ASXL3: variants seen among roughly 807,000 people sequenced by gnomAD.
ASXL3 encodes ASXL transcriptional regulator 3.
ASXL3 carries 34 observed loss-of-function variants against 170.6 expected under a neutral mutation model. The observed-to-expected ratio is 0.20, with a 90% confidence interval of 0.15 to 0.27. The LOEUF (loss-of-function observed/expected upper bound fraction) is 0.27. Ranked by LOEUF, ASXL3 falls within the 10% of genes least tolerant of loss-of-function variation. ASXL3 has a pLI of 1.00. For missense variants in ASXL3, 2,592 were observed against 2,695.3 expected (o/e 0.96, Z 0.85); for synonymous variants, 1,002 against 989.1 (o/e 1.01, Z -0.24).
chr18:33,740,327 T>G lies in ASXL3; in HGVS notation c.2923T>G (p.Cys975Gly), dbSNP rs2067640646. The change falls in exon 11 of 12, where the codon TGT becomes GGT. Residue 975 changes from cysteine to glycine, a missense_variant. By Grantham distance (159) the Cys-to-Gly change is radical. This residue lies in a region of ASXL3 where 2,246 missense variants were observed against 2,219.6 expected (regional missense o/e 1.01). Coordinates refer to ENST00000269197, the MANE Select transcript of ASXL3 (RefSeq NM_030632.3). ...TGCAGAGCAACACAGCTTTGGAATCTGTAAGGAAAAGAGAGCTAGGATAGA... is the reference window on the plus strand; with the variant it reads ...TGCAGAGCAACACAGCTTTGGAATCGGTAAGGAAAAGAGAGCTAGGATAGA... The part of the protein sequence containing the change: ...KTAEQHSFGI[C>G]KEKRARIEDD... The G allele has an allele frequency of 1.2e-6, 2 of 1,611,174 alleles. No individual in the cohort carries two copies. Among genetic ancestry groups the G allele is most frequent in the Non-Finnish European group, 1.7e-6 (2 of 1,178,560 alleles).
chr18:33,578,943 C>A (rs2064969982), intron 1 of ASXL3: 1 of 186,080 alleles, frequency 5.4e-6, no homozygotes, highest in Non-Finnish European at 1.1e-5. Flanking sequence ...CCGTACTTCG[C>A]TCTCGGGGCT....
At position 33,578,377 on chromosome 18, in the gene ASXL3, G is replaced by GGCCC. The variant is rs1160351546; in HGVS notation, c.-247_-244dup. 7.3e-5 allele frequency: 1 copy of GGCCC among 13,772 alleles called. No individual in the cohort carries two copies. Among genetic ancestry groups the GGCCC allele is most frequent in the African/African-American group, 3.0e-4 (1 of 3,344 alleles). The allele number at this position is 13,772 out of a possible 1,614,324, so 0.9% of individuals were successfully genotyped here. On this transcript the variant is annotated 5_prime_UTR_variant, in exon 1 of 12. Transcript: ENST00000269197. ...CGCTGCTGCCGCCGCCCCCGCCCCC[G>GGCCC]GCCCGCCCGCCGCGCGCCGCCGCCG... is the stretch of plus-strand genomic sequence containing the variant.
chr18:33,707,043 A>G (rs1240185187), intron 8 of ASXL3, among the ~76,000 whole-genome samples: 1 of 151,758 alleles, frequency 6.6e-6, no homozygotes, highest in Admixed American at 6.6e-5. Flanking sequence ...TACATTTGTC[A>G]TAACAATTGA....
intron 4 of ASXL3, among the ~76,000 whole-genome samples, chr18:33,647,051 C>T (rs920458667): frequency 6.6e-6 from 1 of 151,998 alleles, no homozygotes; most frequent in Non-Finnish European, 1.5e-5. Flanking sequence ...CCACTGGTTC[C>T]ACAAAGGGAC....
chr18:33,676,242 A>AC, intron 7 of ASXL3, among the ~76,000 whole-genome samples: 1 of 149,984 alleles, frequency 6.7e-6, no homozygotes, highest in Non-Finnish European at 1.5e-5. Context: ...AAAAAAAAAA[A>AC]AAAAATTATT....
intron 4 of ASXL3, among the ~76,000 whole-genome samples, chr18:33,656,330 G>A (rs2066084060): frequency 6.6e-6 from 1 of 152,110 alleles, no homozygotes; most frequent in Admixed American, 6.6e-5. Context: ...ATGAAAGGGA[G>A]TGTTTGGAAA....
At chr18:33,734,532 T>A (rs1451608201) in intron 10 of ASXL3, 117 bp downstream of exon 10, 2 of 541,872 alleles carry the variant, frequency 3.7e-6, no homozygotes, top group Non-Finnish European at 6.0e-6. Context: ...TAAAAGGCAA[T>A]AGTCCCTCAG....
At chr18:33,708,791 C>A (rs1053348961) in intron 8 of ASXL3, among the ~76,000 whole-genome samples, 2 of 152,120 alleles carry the variant, frequency 1.3e-5, no homozygotes, top group African/African-American at 4.8e-5. Flanking sequence ...ACACATCTTT[C>A]GTTTGAATTT....
intron 4 of ASXL3, 76 bp from the exon 5 acceptor site, chr18:33,661,540 G>A (rs1262681296): frequency 7.1e-7 from 1 of 1,403,944 alleles, no homozygotes; most frequent in Non-Finnish European, 9.7e-7. Context: ...TTGCAGAAAA[G>A]CTCCAAGTGT....
In ASXL3 at chr18:33,747,756, T is replaced by G. The variant is rs535781172; in HGVS notation, c.*1161T>G. On this transcript the variant is annotated 3_prime_UTR_variant, in exon 12 of 12. Transcript: ENST00000269197. Reference sequence around the variant, plus strand: ...ACCCTTATTTTGAAAAAAACTGTTCTAGGTATGGCATGTTTTGTTTTTTCC... The same window carrying G: ...ACCCTTATTTTGAAAAAAACTGTTCGAGGTATGGCATGTTTTGTTTTTTCC... The G allele has an allele frequency of 2.6e-4, 40 of 152,366 alleles. No homozygotes were observed. Among genetic ancestry groups the G allele is most frequent in the African/African-American group, 9.1e-4 (38 of 41,590 alleles). The allele number at this position is 152,366 out of a possible 1,614,324, so 9.4% of individuals were successfully genotyped here.
chr18:33,699,246 A>G (rs2066828573), intron 8 of ASXL3, among the ~76,000 whole-genome samples: 1 of 152,166 alleles, frequency 6.6e-6, no homozygotes, highest in Non-Finnish European at 1.5e-5. Context: ...GAAAGCAGGC[A>G]TTGTAAATAT....
intron 8 of ASXL3, among the ~76,000 whole-genome samples, chr18:33,721,300 A>G (rs969818064): frequency 2.6e-5 from 4 of 152,104 alleles, no homozygotes; most frequent in African/African-American, 9.7e-5. Flanking sequence ...AAAAGGTTCC[A>G]TTTAAAAGGA....
intron 4 of ASXL3, among the ~76,000 whole-genome samples, chr18:33,656,375 C>T (rs2066084631): frequency 6.6e-6 from 1 of 152,070 alleles, no homozygotes; most frequent in African/African-American, 2.4e-5. Context: ...TAAAAGGCTG[C>T]ACCCCTCCTT....
chr18:33,721,796 G>T (rs986512300), intron 8 of ASXL3, among the ~76,000 whole-genome samples: 1 of 151,636 alleles, frequency 6.6e-6, no homozygotes, highest in African/African-American at 2.4e-5. Context: ...CACAAATACT[G>T]TTTTTTTTAT....
chr18:33,598,362 T>C (rs892854478), intron 1 of ASXL3, among the ~76,000 whole-genome samples: 1 of 152,158 alleles, frequency 6.6e-6, no homozygotes, highest in African/African-American at 2.4e-5. Context: ...TTATTATATG[T>C]CCCATGTTTG....
chr18:33,711,386 C>A (rs751424730), intron 8 of ASXL3, among the ~76,000 whole-genome samples: 1 of 152,176 alleles, frequency 6.6e-6, no homozygotes, highest in Non-Finnish European at 1.5e-5. Context: ...ATGTGATCTT[C>A]TTCCAAAATT....
chr18:33,700,880 AG>A (rs1278013678), intron 8 of ASXL3, among the ~76,000 whole-genome samples: 3 of 152,070 alleles, frequency 2.0e-5, no homozygotes, highest in African/African-American at 2.4e-5. Context: ...GTAAAAGTAA[AG>A]GGATGAGTCA....
Position 33,601,952 on chromosome 18 carries a change from T to G in ASXL3, c.55-5642T>G, listed in dbSNP as rs1282379594. 2.0e-5 allele frequency among the ~76,000 whole-genome samples: 3 copies of G among 151,220 alleles called. No individual in the cohort carries two copies. In the East Asian group the frequency reaches 5.8e-4, roughly 29 times the overall value. The stretch of plus-strand genomic sequence containing the variant: ...ACTATAGGCACACACCACTATGCCT[T>G]GCTTATTGTTATTTATTTATTTTTA... On this transcript the variant is annotated intron_variant, in intron 1 of 11. Coordinates refer to ENST00000269197, the MANE Select transcript of ASXL3 (RefSeq NM_030632.3).
chr18:33,645,122 A>G, intron 3 of ASXL3, 120 bp downstream of exon 3: 1 of 511,694 alleles, frequency 2.0e-6, no homozygotes, highest in East Asian at 3.2e-5. Flanking sequence ...TTAAATGTTT[A>G]CAGATGTCTT....
Sources: gnomAD v4.1 joint callset for allele counts (sites outside exome capture counted in the v4.1 genomes callset) on GRCh38, gnomAD v4.1.1 for gene constraint, gnomAD v4.1.1 regional missense constraint, MANE v1.5 for transcripts, NCBI Gene and HGNC (gene_info 2026-07-23, HGNC 2026-07-21) for gene names.